The following ENTREP3 variants were observed in gnomAD, a reference collection of about 807,000 sequenced individuals.
ENTREP3 encodes the protein protein ENTREP3.
At chr1:155,250,457 G>GA in the ENTREP3 span, 27 of 1,477,174 alleles carry the variant, frequency 1.8e-5, no homozygotes, top group Non-Finnish European at 2.3e-5. The surrounding 1 kb of genome is among the most constrained non-coding windows in gnomAD (Gnocchi z 5.4). Flanking sequence ...CTCCCCGGGG[G>GA]ACCCGCCGCC....
chr1:155,248,168 G>A, the ENTREP3 span: 5 of 1,613,868 alleles, frequency 3.1e-6, no homozygotes, highest in Non-Finnish European at 4.2e-6. Flanking sequence ...CAGGGAGTGG[G>A]CAGGTGCAGG....
At chr1:155,254,361 G>C in the ENTREP3 span, 2 of 1,607,870 alleles carry the variant, frequency 1.2e-6, no homozygotes, top group African/African-American at 2.7e-5. This position sits in a 1 kb window ranked among gnomAD's most constrained non-coding sequence, Gnocchi z 4.4. Context: ...TGCGTGCTGG[G>C]CACCTGCCTC....
At chr1:155,247,924 C>G in the ENTREP3 span, 1 of 1,595,802 alleles carries the variant, frequency 6.3e-7, no homozygotes, top group Middle Eastern at 1.7e-4. Context: ...GAGGCTCTCT[C>G]GGCCAGGCCG....
At chr1:155,252,591 A>C in the ENTREP3 span, among the ~76,000 whole-genome samples, 5 of 145,742 alleles carry the variant, frequency 3.4e-5, no homozygotes, top group Non-Finnish European at 6.0e-5. Flanking sequence ...GCTGGTGTCA[A>C]ACTCCTGATA....
the ENTREP3 span, chr1:155,248,135 G>A: frequency 6.2e-7 from 1 of 1,614,112 alleles, no homozygotes; most frequent in Non-Finnish European, 8.5e-7. Context: ...GCCCCGACCT[G>A]GCCAGCTGCC....
At chr1:155,248,407 G>A in the ENTREP3 span, 2 of 1,614,076 alleles carry the variant, frequency 1.2e-6, no homozygotes, top group Non-Finnish European at 8.5e-7. Flanking sequence ...TGCCTGACCT[G>A]TATCTGCAGA....
the ENTREP3 span, chr1:155,248,303 C>T: frequency 5.0e-6 from 8 of 1,607,444 alleles, no homozygotes; most frequent in Non-Finnish European, 6.8e-6. Flanking sequence ...AGAGCAGAGC[C>T]CTGCAGAGAG....
chr1:155,248,159 A>G, the ENTREP3 span: 1 of 1,614,040 alleles, frequency 6.2e-7, no homozygotes, highest in African/African-American at 1.3e-5. Flanking sequence ...TAGGTCCCCC[A>G]GGGAGTGGGC....
chr1:155,250,703 G>C, the ENTREP3 span: 4 of 1,612,944 alleles, frequency 2.5e-6, no homozygotes, highest in Non-Finnish European at 3.4e-6. This position sits in a 1 kb window ranked among gnomAD's most constrained non-coding sequence, Gnocchi z 5.4. Context: ...GAAAGAGAAC[G>C]TAGTCCACGG....
At chr1:155,253,791 C>T in the ENTREP3 span, 1 of 1,609,752 alleles carries the variant, frequency 6.2e-7, no homozygotes, top group Admixed American at 1.7e-5. Context: ...ACATTATGGG[C>T]CTGTGAGTAC....
the ENTREP3 span, among the ~76,000 whole-genome samples, chr1:155,252,392 G>A: frequency 2.0e-5 from 3 of 151,340 alleles, no homozygotes; most frequent in Admixed American, 1.3e-4. Flanking sequence ...ATTTCGAGAC[G>A]AAGTTTCACT....
At chr1:155,249,082 T>C in the ENTREP3 span, among the ~76,000 whole-genome samples, 2 of 151,724 alleles carry the variant, frequency 1.3e-5, no homozygotes, top group Admixed American at 1.3e-4. Flanking sequence ...TATACATGTT[T>C]TTTGTTTGTT....
At chr1:155,254,230 C>T in the ENTREP3 span, 1 of 1,550,702 alleles carries the variant, frequency 6.4e-7, no homozygotes, top group East Asian at 2.2e-5. The surrounding 1 kb of genome is among the most constrained non-coding windows in gnomAD (Gnocchi z 4.4). Context: ...GGGCTGGGAC[C>T]CTCATGAGTA....
the ENTREP3 span, chr1:155,251,415 T>G: frequency 3.1e-6 from 3 of 968,246 alleles, no homozygotes; most frequent in Non-Finnish European, 4.8e-6. Context: ...CCACTGTTAC[T>G]ATCTTTATCC....
the ENTREP3 span, chr1:155,255,097 G>T: frequency 3.4e-6 from 2 of 594,048 alleles, no homozygotes; most frequent in Non-Finnish European, 3.0e-6. This position sits in a 1 kb window ranked among gnomAD's most constrained non-coding sequence, Gnocchi z 5.6. Context: ...CCCCACCACG[G>T]GCACTGGACG....
the ENTREP3 span, chr1:155,253,919 C>G: frequency 1.9e-6 from 3 of 1,612,536 alleles, no homozygotes; most frequent in East Asian, 6.7e-5. Context: ...GTTCCTGCCC[C>G]GACTCTGGAC....
chr1:155,254,816 A>AT, the ENTREP3 span: 1 of 1,608,892 alleles, frequency 6.2e-7, no homozygotes, highest in East Asian at 2.2e-5. The surrounding 1 kb of genome is among the most constrained non-coding windows in gnomAD (Gnocchi z 4.4). Context: ...GAGGTGGGTA[A>AT]GGCCCCTGGT....
chr1:155,251,582 T>C, the ENTREP3 span: 3 of 1,613,930 alleles, frequency 1.9e-6, no homozygotes, highest in Non-Finnish European at 2.5e-6. Context: ...GGGCTGTCCA[T>C]GGAGCCATTG....
At chr1:155,250,594 C>A in the ENTREP3 span, 2 of 1,606,174 alleles carry the variant, frequency 1.2e-6, no homozygotes, top group Non-Finnish European at 1.7e-6. The surrounding 1 kb of genome is among the most constrained non-coding windows in gnomAD (Gnocchi z 5.4). Flanking sequence ...GAGCGGGCAG[C>A]CCGTGGGGGG....
Sources: allele counts gnomAD v4.1 joint callset (sites outside exome capture counted in the v4.1 genomes callset), GRCh38; gene constraint gnomAD v4.1.1; non-coding constraint Gnocchi (gnomAD v3.1); transcripts MANE v1.5; gene names NCBI Gene and HGNC (gene_info 2026-07-23, HGNC 2026-07-21).